The following SYNDIG1 variants were observed in gnomAD, a reference collection of about 807,000 sequenced individuals.
The protein encoded by SYNDIG1 is synapse differentiation inducing 1, also known as synapse differentiation-inducing gene protein 1.
SYNDIG1 carries 9 observed loss-of-function variants against 19.4 expected under a neutral mutation model. That is an observed-to-expected ratio of 0.46 (90% CI 0.28 to 0.81). SYNDIG1 has a LOEUF of 0.81. Ranked by LOEUF, SYNDIG1 falls within the 30% of genes least tolerant of loss-of-function variation. The pLI, the probability that SYNDIG1 is intolerant of heterozygous loss-of-function variation, is 0.12. For synonymous variants in SYNDIG1, 141 were observed against 145.9 expected, an observed-to-expected ratio of 0.97 and a Z score of 0.24; for missense variants, 311 against 343.3, an observed-to-expected ratio of 0.91 and a Z score of 0.74.
At chr20:24,519,493 AT>A (rs1335037741) in intron 1 of SYNDIG1, among the ~76,000 whole-genome samples, 1 of 152,208 alleles carries the variant, frequency 6.6e-6, no homozygotes, top group Non-Finnish European at 1.5e-5. Flanking sequence ...TAAATAGATC[AT>A]TTATGATGTG....
intron 2 of SYNDIG1, among the ~76,000 whole-genome samples, chr20:24,563,705 A>G (rs1312764966): frequency 6.6e-6 from 1 of 152,212 alleles, no homozygotes; most frequent in Non-Finnish European, 1.5e-5. Flanking sequence ...AGACTCAAGC[A>G]ATCTTCCCAC....
intron 3 of SYNDIG1, among the ~76,000 whole-genome samples, chr20:24,654,635 AGAGAGGGAGGGAGGG>A (rs941375873): frequency 8.1e-6 from 1 of 123,434 alleles, no homozygotes; most frequent in African/African-American, 3.2e-5. Context: ...GGGAGGAAGG[AGAGAGGGAGGGAGGG>A]AGGAAGGAAG....
In SYNDIG1 at chr20:24,541,284, T is replaced by G. The variant is rs114170317; in HGVS notation, c.-78-1736T>G. On this transcript the variant is annotated intron_variant, in intron 1 of 3. Transcript: ENST00000376862. The stretch of plus-strand genomic sequence containing the variant: ...ATGTGTTTATGTAGAATATAAAACT[T>G]GTATAGAATATGTTGTATACCTACT... Among the ~76,000 whole-genome samples, 1,434 of 152,356 alleles carry G rather than the reference T, an allele frequency of 9.4e-3. 19 individuals carry two copies. The highest frequency in any genetic ancestry group is 0.033 in the African/African-American group (1,374 of 41,588).
chr20:24,543,430 C>G lies in SYNDIG1; in HGVS notation c.333C>G (p.Cys111Trp), dbSNP rs761476256. The G allele has an allele frequency of 1.2e-6, 2 of 1,613,464 alleles. No homozygotes were observed. The highest frequency in any genetic ancestry group is 1.7e-6 in the Non-Finnish European group (2 of 1,180,032). Residue 111 changes from cysteine (C) to tryptophan (W), a missense_variant, in exon 2 of 4, where the codon TGC becomes TGG. Coordinates refer to ENST00000376862, the MANE Select transcript of SYNDIG1 (RefSeq NM_024893.3). ...SWGDGVAADC[C>W]ETTFIEDRSP... is the part of the protein sequence containing the mutation. Reference sequence around the variant, plus strand: ...GGGACGGTGTGGCCGCCGACTGCTGCGAGACCACCTTCATCGAGGACCGGT... The same window carrying G: ...GGGACGGTGTGGCCGCCGACTGCTGGGAGACCACCTTCATCGAGGACCGGT...
intron 2 of SYNDIG1, among the ~76,000 whole-genome samples, chr20:24,558,240 G>A (rs530604998): frequency 1.3e-5 from 2 of 152,302 alleles, no homozygotes; most frequent in East Asian, 1.9e-4. Flanking sequence ...AAGACCAGAA[G>A]TGTCAATTTC....
At chr20:24,533,406 G>C (rs1376628256) in intron 1 of SYNDIG1, among the ~76,000 whole-genome samples, 2 of 152,064 alleles carry the variant, frequency 1.3e-5, no homozygotes, top group African/African-American at 4.8e-5. Context: ...CAGAGCTGTG[G>C]GTTTACAGAC....
intron 2 of SYNDIG1, among the ~76,000 whole-genome samples, chr20:24,567,079 C>T (rs117684765): frequency 1.1e-3 from 174 of 152,250 alleles, no homozygotes; most frequent in Middle Eastern, 6.8e-3. Context: ...TTCCTTAGTT[C>T]AGCTAAAGAC....
At chr20:24,505,015 A>G (rs983610083) in intron 1 of SYNDIG1, among the ~76,000 whole-genome samples, 4 of 152,118 alleles carry the variant, frequency 2.6e-5, no homozygotes, top group Non-Finnish European at 4.4e-5. Flanking sequence ...TTTGATTTTC[A>G]TGGAGGAGGT....
chr20:24,645,151 AAAT>A (rs1183669383), intron 3 of SYNDIG1, among the ~76,000 whole-genome samples: 1 of 152,244 alleles, frequency 6.6e-6, no homozygotes, highest in East Asian at 1.9e-4. Flanking sequence ...ATCTGCAGCC[AAAT>A]GAATGATGTG....
chr20:24,543,598 G>T, intron 2 of SYNDIG1, 21 bp downstream of exon 2: 2 of 1,593,486 alleles, frequency 1.3e-6, no homozygotes, highest in Non-Finnish European at 1.7e-6. Flanking sequence ...GTGTTTGTCA[G>T]AGGCCCTCTA....
At chr20:24,617,060 C>T (rs4815286) in intron 3 of SYNDIG1, among the ~76,000 whole-genome samples, 33,655 of 152,206 alleles carry the variant, frequency 0.22, 4,360 homozygotes, top group Admixed American at 0.37. Context: ...GCCTCTCCCT[C>T]TTCCTGTAGC....
rs1600414835 is a variant in SYNDIG1, at chr20:24,489,902, C to G, written c.-79+20149C>G. Among the ~76,000 whole-genome samples the G allele has an allele frequency of 2.0e-5, 3 of 152,340 alleles. No individual in the cohort carries two copies. In the South Asian group the frequency reaches 6.2e-4, roughly 32 times the overall value. ...CCCTGTGGGCTGTTTTGTGTCATCA[C>G]CAAGCAGGCCTGGCCGCTGGTGCTG... On this transcript the variant is annotated intron_variant, in intron 1 of 3. Transcript: ENST00000376862.
intron 3 of SYNDIG1, 145 bp downstream of exon 3, chr20:24,585,138 A>G: frequency 1.8e-6 from 2 of 1,134,868 alleles, no homozygotes; most frequent in African/African-American, 3.1e-5. Flanking sequence ...GTTGGAGGAT[A>G]GGCTGGGAGA....
intron 1 of SYNDIG1, among the ~76,000 whole-genome samples, chr20:24,511,536 T>G (rs749244214): frequency 1.1e-4 from 16 of 152,010 alleles, no homozygotes; most frequent in Non-Finnish European, 1.8e-4. Flanking sequence ...GGGTCTGATT[T>G]CCACTCCCTT....
At chr20:24,590,506 G>A (rs1451648479) in intron 3 of SYNDIG1, among the ~76,000 whole-genome samples, 1 of 152,150 alleles carries the variant, frequency 6.6e-6, no homozygotes, top group Admixed American at 6.5e-5. Context: ...GGGCGACGAC[G>A]GCAGTGGTCA....
intron 2 of SYNDIG1, among the ~76,000 whole-genome samples, chr20:24,555,154 C>A (rs2057787687): frequency 6.6e-6 from 1 of 151,942 alleles, no homozygotes; most frequent in South Asian, 2.1e-4. Flanking sequence ...GGTGATATCC[C>A]CTTTATCATT....
At chr20:24,481,019 C>T (rs574375830) in intron 1 of SYNDIG1, among the ~76,000 whole-genome samples, 20 of 151,832 alleles carry the variant, frequency 1.3e-4, no homozygotes, top group Non-Finnish European at 2.9e-4. Flanking sequence ...TGCATACGTG[C>T]GAGATGAAAA....
At chr20:24,498,230 A>G (rs943224908) in intron 1 of SYNDIG1, among the ~76,000 whole-genome samples, 2 of 152,236 alleles carry the variant, frequency 1.3e-5, no homozygotes, top group Non-Finnish European at 2.9e-5. Context: ...ACTTTGTGCC[A>G]TCACTTCATC....
chr20:24,551,398 G>C (rs1406339233), intron 2 of SYNDIG1, among the ~76,000 whole-genome samples: 1 of 152,106 alleles, frequency 6.6e-6, no homozygotes, highest in Non-Finnish European at 1.5e-5. Flanking sequence ...AGTCTAGATA[G>C]AAATTGATCA....
Sources: gnomAD v4.1 joint callset for allele counts (sites outside exome capture counted in the v4.1 genomes callset) on GRCh38, gnomAD v4.1.1 for gene constraint, MANE v1.5 for transcripts, NCBI Gene and HGNC (gene_info 2026-07-23, HGNC 2026-07-21) for gene names.